RANBP2: variants seen among roughly 807,000 people sequenced by gnomAD.
RANBP2 encodes E3 SUMO-protein ligase RanBP2.
Under a neutral mutation model 303.6 loss-of-function variants are expected in RANBP2, and 57 were observed. That is an observed-to-expected ratio of 0.19 (90% CI 0.15 to 0.23). RANBP2 has a LOEUF of 0.23. Ranked by LOEUF, RANBP2 falls within the 10% of genes least tolerant of loss-of-function variation. The probability of loss-of-function intolerance (pLI) is 1.00; values close to 1 mark genes in which losing one functional copy is unlikely to be tolerated. For missense variants in RANBP2, 3,138 were observed against 3,780.8 expected, an observed-to-expected ratio of 0.83 and a Z score of 4.46; for synonymous variants, 1,167 against 1,301.5, an observed-to-expected ratio of 0.90 and a Z score of 2.23.
At chr2:108,885,231 T>C in the RANBP2 span, 132,849 of 152,198 alleles carry the variant, frequency 0.87, 58,368 homozygotes, top group East Asian at 1. Flanking sequence ...GAATCTTTCC[T>C]TGATGAGTTT....
At chr2:108,958,801 T>C in the RANBP2 span, among the ~76,000 whole-genome samples, 1 of 117,534 alleles carries the variant, frequency 8.5e-6, no homozygotes, top group Non-Finnish European at 1.6e-5. Context: ...ATGAATTCTG[T>C]TGAATGTTAC....
At chr2:108,807,966 T>C in the RANBP2 span, among the ~76,000 whole-genome samples, 3 of 152,180 alleles carry the variant, frequency 2.0e-5, no homozygotes, top group African/African-American at 4.8e-5. Context: ...TTCCTTCCTT[T>C]CCACAGCCAT....
the RANBP2 span, among the ~76,000 whole-genome samples, chr2:109,206,687 A>T: frequency 6.6e-6 from 1 of 151,872 alleles, no homozygotes; most frequent in Non-Finnish European, 1.5e-5. Flanking sequence ...ATATTAGTGT[A>T]TGCTTATAAT....
At chr2:109,239,857 G>T in the RANBP2 span, among the ~76,000 whole-genome samples, 40 of 152,176 alleles carry the variant, frequency 2.6e-4, no homozygotes, top group Non-Finnish European at 5.1e-4. Flanking sequence ...ATTTCCGACC[G>T]TCTCCTTGGA....
At chr2:109,105,434 T>C in the RANBP2 span, among the ~76,000 whole-genome samples, 1 of 152,208 alleles carries the variant, frequency 6.6e-6, no homozygotes, top group East Asian at 1.9e-4. Context: ...CCTGGAATCA[T>C]GCAATGTAGA....
the RANBP2 span, among the ~76,000 whole-genome samples, chr2:109,598,021 C>CCT: frequency 6.6e-6 from 1 of 152,148 alleles, no homozygotes; most frequent in Non-Finnish European, 1.5e-5. Flanking sequence ...GACCAATGAG[C>CCT]CTCAGGAAAC....
chr2:109,288,708 A>AC, the RANBP2 span, among the ~76,000 whole-genome samples: 2 of 152,130 alleles, frequency 1.3e-5, no homozygotes, highest in Non-Finnish European at 2.9e-5. Flanking sequence ...AGATTGCTGG[A>AC]CCTGACCCCT....
chr2:109,434,430 G>A, the RANBP2 span, among the ~76,000 whole-genome samples: 2 of 152,214 alleles, frequency 1.3e-5, no homozygotes, highest in Non-Finnish European at 2.9e-5. Flanking sequence ...TGTAAAGCCT[G>A]CGGTTGAAAT....
chr2:108,894,679 A>ATT, the RANBP2 span: 1 of 152,534 alleles, frequency 6.6e-6, no homozygotes, highest in African/African-American at 2.4e-5. Context: ...GTCAGTGAGA[A>ATT]TTATTATGAT....
the RANBP2 span, among the ~76,000 whole-genome samples, chr2:109,083,034 G>T: frequency 1.2e-4 from 18 of 151,832 alleles, no homozygotes; most frequent in Admixed American, 6.6e-4. Flanking sequence ...CGCTATGTTA[G>T]CCAGGATGGT....
At chr2:109,725,735 CT>C in the RANBP2 span, among the ~76,000 whole-genome samples, 1 of 151,850 alleles carries the variant, frequency 6.6e-6, no homozygotes, top group Admixed American at 6.6e-5. Context: ...TATCTTTTTT[CT>C]TTTTTTTCTT....
the RANBP2 span, among the ~76,000 whole-genome samples, chr2:109,377,141 G>T: frequency 1.3e-5 from 2 of 152,226 alleles, no homozygotes; most frequent in Non-Finnish European, 2.9e-5. Flanking sequence ...TATTCTTGGC[G>T]TTTCCCATTG....
chr2:109,050,025 A>G, the RANBP2 span, among the ~76,000 whole-genome samples: 1 of 152,124 alleles, frequency 6.6e-6, no homozygotes, highest in African/African-American at 2.4e-5. Context: ...GAGCAGTCCT[A>G]CTGGTGGCCA....
the RANBP2 span, among the ~76,000 whole-genome samples, chr2:108,937,508 T>TATGC: frequency 5.9e-5 from 9 of 152,108 alleles, no homozygotes; most frequent in African/African-American, 2.2e-4. Context: ...TGTATGAATG[T>TATGC]ATGCATGTGT....
chr2:109,206,587 T>C, the RANBP2 span, among the ~76,000 whole-genome samples: 3 of 148,312 alleles, frequency 2.0e-5, no homozygotes, highest in Non-Finnish European at 4.4e-5. Flanking sequence ...GGAGGGAGGA[T>C]AGCTTGAGGC....
At chr2:109,575,691 C>T in the RANBP2 span, among the ~76,000 whole-genome samples, 8 of 152,188 alleles carry the variant, frequency 5.3e-5, no homozygotes, top group Admixed American at 5.2e-4. Context: ...ATCTGGGTTT[C>T]CAAGTGAAAA....
At chr2:109,010,609 TG>T in the RANBP2 span, among the ~76,000 whole-genome samples, 1 of 152,168 alleles carries the variant, frequency 6.6e-6, no homozygotes, top group Non-Finnish European at 1.5e-5. Flanking sequence ...GAGGGAGCTC[TG>T]GGGTCTCTTC....
rs1052063714 is a variant in RANBP2, at chr2:108,719,974, C to T, written c.72+296C>T. ...GCCGCCCTGGCCCGGGCTTTCTGGC[C>T]GATCGCGCACCCCGTAGTACCCGCG... On this transcript the variant is annotated intron_variant, in intron 1 of 28. Coordinates refer to ENST00000283195, the MANE Select transcript of RANBP2 (RefSeq NM_006267.5). The T allele has an allele frequency of 5.1e-6, 5 of 985,038 alleles. No individual in the cohort carries two copies. In the East Asian group the frequency reaches 3.4e-4, roughly 67 times the overall value. 61.0% of individuals were successfully genotyped at this position (985,038 alleles called of 1,614,324 possible). A position where few individuals can be genotyped will look rare whatever the true frequency, so the allele number is the denominator to read the frequency against.
the RANBP2 span, among the ~76,000 whole-genome samples, chr2:109,582,424 A>G: frequency 1.3e-5 from 2 of 152,130 alleles, no homozygotes; most frequent in African/African-American, 4.8e-5. Context: ...GGCTCAAGTG[A>G]TAGTCCCACT....
Sources: gnomAD v4.1 joint callset for allele counts (sites outside exome capture counted in the v4.1 genomes callset) on GRCh38, gnomAD v4.1.1 for gene constraint, MANE v1.5 for transcripts, NCBI Gene and HGNC (gene_info 2026-07-23, HGNC 2026-07-21) for gene names.